Variants in APOLD1 observed in about 807,000 individuals in gnomAD.
APOLD1 encodes apolipoprotein L domain-containing protein 1.
Under a neutral mutation model 15.3 loss-of-function variants are expected in APOLD1, and 22 were observed. The observed-to-expected ratio is 1.44, with a 90% CI of 1.03 to 2.05. The LOEUF (loss-of-function observed/expected upper bound fraction) is 2.05. APOLD1 is among the 30% of genes most tolerant of loss of function. APOLD1 has a pLI of 0.00. For synonymous variants in APOLD1, 190 were observed against 167.4 expected, an observed-to-expected ratio of 1.13 and a Z score of -1.04; for missense variants, 394 against 353.5, an observed-to-expected ratio of 1.11 and a Z score of -0.92.
chr12:12,777,914 T>G (rs986763161), intron 1 of APOLD1, among the ~76,000 whole-genome samples: 2 of 64,298 alleles, frequency 3.1e-5, no homozygotes, highest in African/African-American at 9.0e-5. Context: ...TTTTTTTTTT[T>G]TTTTTTTTTT....
Position 12,787,520 on chromosome 12 carries a change from C to A in APOLD1, c.615C>A (p.Ser205Arg). Residue 205 changes from serine to arginine, a missense_variant, in exon 2 of 2, where the codon AGC becomes AGA. By Grantham distance (110) the Ser-to-Arg change is moderately radical (BLOSUM62 -1). Coordinates refer to ENST00000356591, the MANE Select transcript of APOLD1 (RefSeq NM_030817.3). The surrounding 1 kb of genome is among the most constrained non-coding windows in gnomAD (Gnocchi z 4.9). ...CCAAGATTCAGAAACTGGCCGAGAG[C>A]CTGGAGTCCTGCACCGGGGCTCTGG... ...LKAKIQKLAE[S>R]LESCTGALDE... is the part of the protein sequence containing the mutation. The A allele has an allele frequency of 6.2e-7, 1 of 1,614,006 alleles. No individual in the cohort carries two copies. The highest frequency in any genetic ancestry group is 8.5e-7 in the Non-Finnish European group (1 of 1,180,040).
intron 1 of APOLD1, among the ~76,000 whole-genome samples, chr12:12,757,229 G>A (rs539501210): frequency 2.4e-3 from 371 of 152,312 alleles, no homozygotes; most frequent in South Asian, 0.01. Flanking sequence ...TGATCTTGCA[G>A]GTGTCTCCAG....
At chr12:12,741,287 G>C (rs535683463) in intron 1 of APOLD1, among the ~76,000 whole-genome samples, 4 of 152,318 alleles carry the variant, frequency 2.6e-5, no homozygotes, top group African/African-American at 7.2e-5. Context: ...GGTCACTACA[G>C]TCTCAAACTC....
At chr12:12,767,781 C>T (rs553501165) in intron 1 of APOLD1, among the ~76,000 whole-genome samples, 17 of 151,996 alleles carry the variant, frequency 1.1e-4, no homozygotes, top group South Asian at 2.1e-4. Flanking sequence ...GTAGGTTATA[C>T]GCAAATCCTA....
At chr12:12,749,859 G>C (rs1416732158) in intron 1 of APOLD1, among the ~76,000 whole-genome samples, 1 of 151,928 alleles carries the variant, frequency 6.6e-6, no homozygotes, top group East Asian at 1.9e-4. Context: ...TGTTTTGCTG[G>C]GCATTTTGTC....
chr12:12,729,259 T>C (rs934600285), intron 1 of APOLD1, among the ~76,000 whole-genome samples: 1 of 152,030 alleles, frequency 6.6e-6, no homozygotes, highest in African/African-American at 2.4e-5. Flanking sequence ...GTGGGATTCT[T>C]ATCTCACACA....
intron 1 of APOLD1, among the ~76,000 whole-genome samples, chr12:12,732,698 C>G (rs555213780): frequency 2.6e-4 from 38 of 147,772 alleles, no homozygotes; most frequent in Non-Finnish European, 5.5e-4. Context: ...GCACTCCACT[C>G]CAGCCTAGGC....
intron 1 of APOLD1, among the ~76,000 whole-genome samples, chr12:12,728,069 G>C (rs1480099527): frequency 9.9e-5 from 15 of 152,160 alleles, no homozygotes; most frequent in Non-Finnish European, 2.2e-4. Context: ...CTGGGCTCAG[G>C]AGATCCTCTA....
At chr12:12,758,195 C>T (rs982309511) in intron 1 of APOLD1, among the ~76,000 whole-genome samples, 7 of 151,180 alleles carry the variant, frequency 4.6e-5, no homozygotes, top group Non-Finnish European at 8.8e-5. Flanking sequence ...CTTGGCCTCC[C>T]AAAGTGCTGG....
At chr12:12,764,748 C>T in intron 1 of APOLD1, 2 of 485,520 alleles carry the variant, frequency 4.1e-6, no homozygotes, top group South Asian at 1.6e-5. Context: ...CCTTTATGTG[C>T]ATCTCACATG....
At chr12:12,778,585 C>T (rs996467969) in intron 1 of APOLD1, among the ~76,000 whole-genome samples, 2 of 152,022 alleles carry the variant, frequency 1.3e-5, no homozygotes, top group African/African-American at 2.4e-5. Flanking sequence ...GCCTCGGCCC[C>T]CCAAAGTGCT....
At position 12,725,936 on chromosome 12, in the gene APOLD1, G is replaced by GA. The variant is rs768053848; in HGVS notation, c.-65_-64insA. 2.2e-4 allele frequency: 294 copies of GA among 1,338,298 alleles called. 1 individual carries two copies. The highest frequency in any genetic ancestry group is 2.2e-4 in the Non-Finnish European group (226 of 1,006,834). 82.9% of individuals were successfully genotyped at this position (1,338,298 alleles called of 1,614,324 possible). ...GTTGACAGTGTGCAGGCAGGCGGGG[G>GA]TGCGCGGGGCGGTCAGCGATCTGCA... On this transcript the variant is annotated 5_prime_UTR_variant, in exon 1 of 2. Transcript: ENST00000326765.
At position 12,761,911 on chromosome 12, in the gene APOLD1, C is replaced by G. The variant is rs748570857; in HGVS notation, c.97-24998C>G. Among the ~76,000 whole-genome samples, 44 of 148,344 alleles carry G rather than the reference C, an allele frequency of 3.0e-4. No homozygotes were observed. In the Middle Eastern group the frequency reaches 0.015, roughly 51 times the overall value. On this transcript the variant is annotated intron_variant, in intron 1 of 1. Coordinates refer to the APOLD1 transcript ENST00000326765. Reference sequence around the variant, plus strand: ...AGTGCAGTGGTGTGATCATAGCTCACTGCAACCTTCAACTCCTGAGTTTAA... The same window carrying G: ...AGTGCAGTGGTGTGATCATAGCTCAGTGCAACCTTCAACTCCTGAGTTTAA...
chr12:12,742,226 A>G (rs766848803), intron 1 of APOLD1, among the ~76,000 whole-genome samples: 1 of 152,234 alleles, frequency 6.6e-6, no homozygotes, highest in Non-Finnish European at 1.5e-5. Context: ...TGGCAAAAAA[A>G]AAGGAACAAT....
intron 1 of APOLD1, among the ~76,000 whole-genome samples, chr12:12,756,757 A>G (rs368589652): frequency 1.3e-5 from 2 of 152,064 alleles, no homozygotes; most frequent in Non-Finnish European, 2.9e-5. Flanking sequence ...TATAAGTGGA[A>G]CCATATAATA....
chr12:12,760,037 A>C (rs1261965406), intron 1 of APOLD1, among the ~76,000 whole-genome samples: 1 of 152,242 alleles, frequency 6.6e-6, no homozygotes, highest in Non-Finnish European at 1.5e-5. Flanking sequence ...AGAAGTAGAC[A>C]TGTTATATAC....
intron 1 of APOLD1, among the ~76,000 whole-genome samples, chr12:12,747,379 C>G (rs1302185277): frequency 6.6e-6 from 1 of 152,236 alleles, no homozygotes; most frequent in Non-Finnish European, 1.5e-5. Flanking sequence ...TTTCCTAACT[C>G]TGCTCCTGAG....
intron 1 of APOLD1, among the ~76,000 whole-genome samples, chr12:12,728,318 G>A (rs997891624): frequency 1.3e-5 from 2 of 152,080 alleles, no homozygotes; most frequent in Non-Finnish European, 2.9e-5. Flanking sequence ...ATATAGTATA[G>A]ATATGTCTGA....
intron 1 of APOLD1, among the ~76,000 whole-genome samples, chr12:12,753,116 C>T (rs1946824922): frequency 6.6e-6 from 1 of 152,056 alleles, no homozygotes; most frequent in South Asian, 2.1e-4. Context: ...TGACATACAT[C>T]TAAAAGGACA....
Sources: allele counts gnomAD v4.1 joint callset (sites outside exome capture counted in the v4.1 genomes callset), GRCh38; gene constraint gnomAD v4.1.1; non-coding constraint Gnocchi (gnomAD v3.1); transcripts MANE v1.5; gene names NCBI Gene and HGNC (gene_info 2026-07-23, HGNC 2026-07-21).